Variants in TM9SF2 observed in about 807,000 individuals in gnomAD.
The protein encoded by TM9SF2 is 76 kDa membrane protein.
A neutral mutation model predicts 84.9 loss-of-function variants in TM9SF2; 13 were observed. That is an observed-to-expected ratio of 0.15 (90% CI 0.10 to 0.24). The LOEUF is 0.24. Among genes scored for constraint, TM9SF2 ranks in the 10% least tolerant of loss-of-function variants. The pLI, the probability that TM9SF2 is intolerant of heterozygous loss-of-function variation, is 1.00. For synonymous variants in TM9SF2, 273 were observed against 285.8 expected (o/e 0.96, Z 0.45); for missense variants, 562 against 818.5 (o/e 0.69, Z 3.82).
At chr13:99,523,294 G>A (rs528159474) in intron 3 of TM9SF2, among the ~76,000 whole-genome samples, 1 of 152,248 alleles carries the variant, frequency 6.6e-6, no homozygotes, top group South Asian at 2.1e-4. Context: ...TGGAACTACA[G>A]ATATGCCCAC....
At chr13:99,531,769 C>T (rs2046211072) in intron 4 of TM9SF2, among the ~76,000 whole-genome samples, 2 of 152,146 alleles carry the variant, frequency 1.3e-5, no homozygotes, top group Non-Finnish European at 1.5e-5. Context: ...CTCCCCATTT[C>T]TTTCATTTCT....
intron 12 of TM9SF2, among the ~76,000 whole-genome samples, chr13:99,550,494 T>C (rs1706326419): frequency 2.0e-5 from 3 of 152,210 alleles, no homozygotes; most frequent in Admixed American, 6.5e-5. Flanking sequence ...ATAAAAATTA[T>C]CCTGTGCTGG....
chr13:99,532,455 C>T (rs1431175457), intron 4 of TM9SF2, among the ~76,000 whole-genome samples: 2 of 151,872 alleles, frequency 1.3e-5, no homozygotes, highest in Non-Finnish European at 2.9e-5. Flanking sequence ...TTTGGGAGGC[C>T]AAGGCAGGCA....
intron 1 of TM9SF2, among the ~76,000 whole-genome samples, chr13:99,516,538 C>G (rs1221457813): frequency 6.6e-6 from 1 of 152,202 alleles, no homozygotes; most frequent in Non-Finnish European, 1.5e-5. Flanking sequence ...AGCCTGAGCT[C>G]CTTTTTTGAG....
At chr13:99,510,490 C>T (rs993108534) in intron 1 of TM9SF2, among the ~76,000 whole-genome samples, 8 of 152,190 alleles carry the variant, frequency 5.3e-5, no homozygotes, top group East Asian at 1.9e-4. Flanking sequence ...AAGCATGCAC[C>T]GACATCACTC....
At chr13:99,503,622 A>G (rs2046076083) in intron 1 of TM9SF2, among the ~76,000 whole-genome samples, 1 of 150,958 alleles carries the variant, frequency 6.6e-6, no homozygotes, top group Non-Finnish European at 1.5e-5. Context: ...GGCAGGAAGA[A>G]TCGCTTGAAC....
At chr13:99,558,736 G>C (rs2046333737) in intron 15 of TM9SF2, among the ~76,000 whole-genome samples, 1 of 152,126 alleles carries the variant, frequency 6.6e-6, no homozygotes, top group South Asian at 2.1e-4. Context: ...GTGTGTGTGT[G>C]TGTGTATGTG....
intron 12 of TM9SF2, among the ~76,000 whole-genome samples, chr13:99,549,800 C>G (rs2046298299): frequency 6.6e-6 from 1 of 152,184 alleles, no homozygotes; most frequent in Admixed American, 6.5e-5. Context: ...TGGGCAAGAA[C>G]TGACACGTGA....
chr13:99,512,584 TAA>T (rs1401989048), intron 1 of TM9SF2, among the ~76,000 whole-genome samples: 7 of 152,220 alleles, frequency 4.6e-5, no homozygotes, highest in Non-Finnish European at 1.0e-4. Flanking sequence ...TGAAATGGAA[TAA>T]GAGTGATAGT....
chr13:99,540,485 A>C (rs1208542252), intron 7 of TM9SF2: 18 of 300,790 alleles, frequency 6.0e-5, no homozygotes, highest in African/African-American at 2.9e-4. Context: ...AGTAGGTATT[A>C]CTAGGAATTC....
intron 6 of TM9SF2, among the ~76,000 whole-genome samples, 198 bp downstream of exon 6, chr13:99,538,061 G>A (rs1228118251): frequency 2.0e-5 from 3 of 152,156 alleles, no homozygotes; most frequent in Admixed American, 6.5e-5. Flanking sequence ...CATGATAAGC[G>A]GTCAAGCCAA....
chr13:99,552,108 ATAC>A lies in TM9SF2; in HGVS notation c.1329-54_1329-52del, dbSNP rs1430826162. The A allele has an allele frequency of 1.8e-5, 27 of 1,482,888 alleles. No individual in the cohort carries two copies. The Admixed American group carries it at 4.9e-4, about 27-fold the overall frequency. The allele number at this position is 1,482,888 out of a possible 1,614,324, so 91.9% of individuals were successfully genotyped here. A position where few individuals can be genotyped will look rare whatever the true frequency, so the allele number is the denominator to read the frequency against. On this transcript the variant is annotated intron_variant, in intron 12 of 16. Coordinates refer to ENST00000376387, the MANE Select transcript of TM9SF2 (RefSeq NM_004800.3). Reference sequence around the variant, plus strand: ...ACATAGAAGTTGTCATATTAATTACATACTACTGTTGCATTTTGTTATCTCTGG... The same window carrying A: ...ACATAGAAGTTGTCATATTAATTACATACTGTTGCATTTTGTTATCTCTGG...
At chr13:99,510,566 A>G (rs1293607626) in intron 1 of TM9SF2, among the ~76,000 whole-genome samples, 1 of 152,170 alleles carries the variant, frequency 6.6e-6, no homozygotes, top group African/African-American at 2.4e-5. Context: ...CAGGCGTGTC[A>G]TATGGTTACA....
Position 99,553,052 on chromosome 13 carries a change from C to T in TM9SF2, c.1488+726C>T, listed in dbSNP as rs115445630. On this transcript the variant is annotated intron_variant, in intron 13 of 16. Transcript: ENST00000376387. Reference sequence around the variant, plus strand: ...GGAAGATTATAATCAGGTTTCAGTCCTTCCTCCAGTTTCCCTCTCACCCTC... The same window carrying T: ...GGAAGATTATAATCAGGTTTCAGTCTTTCCTCCAGTTTCCCTCTCACCCTC... Among the ~76,000 whole-genome samples, 370 of 152,312 alleles carry T rather than the reference C, an allele frequency of 2.4e-3. 4 individuals are homozygous for T. Among genetic ancestry groups the T allele is most frequent in the African/African-American group, 8.6e-3 (357 of 41,564 alleles).
chr13:99,562,880 G>C lies in TM9SF2; in HGVS notation c.*122G>C. On this transcript the variant is annotated 3_prime_UTR_variant, in exon 17 of 17. Transcript: ENST00000376387. ...GGCCTAGTAATCCTTCAGAAACACC[G>C]TAATTCTAAATAAACCTCTTCCCAT... 1 of 883,252 alleles carries C rather than the reference G, an allele frequency of 1.1e-6. No homozygotes were observed. The allele number at this position is 883,252 out of a possible 1,614,324, so 54.7% of individuals were successfully genotyped here.
chr13:99,559,602 GTCTT>G, intron 16 of TM9SF2, 68 bp downstream of exon 16: 1 of 1,415,430 alleles, frequency 7.1e-7, no homozygotes, highest in Non-Finnish European at 9.4e-7. Context: ...ATAAATGTTT[GTCTT>G]TTTTAAAACC....
intron 12 of TM9SF2, among the ~76,000 whole-genome samples, chr13:99,551,773 C>G (rs1184998468): frequency 6.6e-6 from 1 of 152,114 alleles, no homozygotes; most frequent in Non-Finnish European, 1.5e-5. Context: ...CATGACTTGG[C>G]AAGACATGCA....
At chr13:99,515,364 T>C (rs189836785) in intron 1 of TM9SF2, among the ~76,000 whole-genome samples, 5 of 152,250 alleles carry the variant, frequency 3.3e-5, no homozygotes, top group Non-Finnish European at 5.9e-5. Flanking sequence ...AATGGGAATT[T>C]TGTCTTCACA....
chr13:99,544,437 T>A (rs1021857954), intron 10 of TM9SF2, among the ~76,000 whole-genome samples: 2 of 152,126 alleles, frequency 1.3e-5, no homozygotes, highest in African/African-American at 4.8e-5. Flanking sequence ...TCTAAGTGAC[T>A]TGGGGCAGGT....
Sources: allele counts gnomAD v4.1 joint callset (sites outside exome capture counted in the v4.1 genomes callset), GRCh38; gene constraint gnomAD v4.1.1; transcripts MANE v1.5; gene names NCBI Gene and HGNC (gene_info 2026-07-23, HGNC 2026-07-21).